Variants in ALK observed in about 807,000 individuals in gnomAD.
ALK encodes ALK tyrosine kinase receptor.
In ALK, 74 loss-of-function variants were observed where a neutral mutation model predicts 163.1. The observed-to-expected ratio is 0.45, with a 90% CI of 0.38 to 0.55. The LOEUF is 0.55. Among genes scored for constraint, ALK ranks in the 20% least tolerant of loss-of-function variants. The probability of loss-of-function intolerance (pLI) is 0.00; values close to 1 mark genes in which losing one functional copy is unlikely to be tolerated. For missense variants in ALK, 2,063 were observed against 2,105.3 expected (o/e 0.98, Z 0.39); for synonymous variants, 960 against 843.2 (o/e 1.14, Z -2.40).
chr2:29,353,490 T>C (rs1166833481), intron 5 of ALK, among the ~76,000 whole-genome samples: 1 of 152,182 alleles, frequency 6.6e-6, no homozygotes, highest in Non-Finnish European at 1.5e-5. Flanking sequence ...CACAGAGCTT[T>C]TATTGCTTTG....
At chr2:29,647,805 C>T (rs10171307) in intron 3 of ALK, among the ~76,000 whole-genome samples, 2,185 of 138,372 alleles carry the variant, frequency 0.016, 32 homozygotes, top group South Asian at 0.05. Flanking sequence ...GCCACAGTCA[C>T]ATGCCTCTCT....
intron 5 of ALK, among the ~76,000 whole-genome samples, chr2:29,345,445 A>C (rs1208291635): frequency 6.7e-6 from 1 of 150,322 alleles, no homozygotes; most frequent in Non-Finnish European, 1.5e-5. Context: ...TAAATAAATA[A>C]ATAAATAAAT....
At chr2:29,634,470 T>C (rs866378589) in intron 3 of ALK, among the ~76,000 whole-genome samples, 9 of 152,214 alleles carry the variant, frequency 5.9e-5, no homozygotes, top group Admixed American at 2.0e-4. Flanking sequence ...GCTGGTTCAA[T>C]ATTAAAAAAA....
intron 1 of ALK, among the ~76,000 whole-genome samples, chr2:29,868,259 G>T (rs1266918934): frequency 6.6e-6 from 1 of 152,302 alleles, no homozygotes; most frequent in African/African-American, 2.4e-5. Flanking sequence ...AGGGGCTCCT[G>T]CCCTTCATTC....
At chr2:29,716,996 C>CAAA (rs34422584) in intron 2 of ALK, among the ~76,000 whole-genome samples, 4 of 6,004 alleles carry the variant, frequency 6.7e-4, no homozygotes, top group Non-Finnish European at 2.3e-3. Context: ...ACCAAAAATC[C>CAAA]AAAAAAAAAA....
chr2:29,883,754 C>A (rs1482380493), intron 1 of ALK, among the ~76,000 whole-genome samples: 1 of 151,998 alleles, frequency 6.6e-6, no homozygotes, highest in Non-Finnish European at 1.5e-5. Context: ...TTGGACCGCA[C>A]GGGTCCACTT....
In ALK at chr2:29,193,613, C is replaced by T. The variant is rs567438064; in HGVS notation, c.4474G>A (p.Val1492Ile). The change falls in exon 29 of 29, where the codon GTC becomes ATC. Residue 1492 changes from valine (V) to isoleucine (I), a missense_variant. Val to Ile is a conservative substitution (Grantham distance 29, BLOSUM62 3). Coordinates refer to ENST00000389048, the MANE Select transcript of ALK (RefSeq NM_004304.5). Reference protein sequence around the residue: ...QSNPPSELHKVHGSRNKPTSL... With the variant: ...QSNPPSELHKIHGSRNKPTSL... ...GTGGGCTTGTTTCTGGATCCGTGGA[C>T]CTTGTGCAACTCCGAAGGAGGGTTG... The T allele has an allele frequency of 3.1e-6, 5 of 1,614,228 alleles. No homozygotes were observed. In the Admixed American group the frequency reaches 6.7e-5, roughly 22 times the overall value.
At chr2:29,278,803 C>T (rs1665610586) in intron 9 of ALK, among the ~76,000 whole-genome samples, 1 of 152,198 alleles carries the variant, frequency 6.6e-6, no homozygotes, top group African/African-American at 2.4e-5. Context: ...CTCGCCTGCA[C>T]ATCAGGGGGT....
At chr2:29,817,133 C>T (rs1226765310) in intron 1 of ALK, among the ~76,000 whole-genome samples, 1 of 148,388 alleles carries the variant, frequency 6.7e-6, no homozygotes, top group Non-Finnish European at 1.5e-5. Context: ...AACACTGCCA[C>T]TTATTGCTCC....
At chr2:29,308,605 C>G (rs4490135) in intron 8 of ALK, among the ~76,000 whole-genome samples, 1 of 152,060 alleles carries the variant, frequency 6.6e-6, no homozygotes, top group African/African-American at 2.4e-5. Context: ...GTGAACGGAA[C>G]GCAAGCTTTC....
chr2:29,854,930 C>G (rs1666100399), intron 1 of ALK, among the ~76,000 whole-genome samples: 1 of 151,814 alleles, frequency 6.6e-6, no homozygotes, highest in South Asian at 2.1e-4. Context: ...GGTAAGAGCA[C>G]TTAACATGAG....
intron 8 of ALK, among the ~76,000 whole-genome samples, chr2:29,314,604 C>T (rs1558665814): frequency 6.6e-6 from 1 of 152,042 alleles, no homozygotes; most frequent in Non-Finnish European, 1.5e-5. Context: ...TGGGGGGATC[C>T]CATCTCATTT....
At chr2:29,617,969 C>A (rs1383020238) in intron 3 of ALK, among the ~76,000 whole-genome samples, 1 of 152,198 alleles carries the variant, frequency 6.6e-6, no homozygotes, top group Non-Finnish European at 1.5e-5. Context: ...GGCTGGGAGA[C>A]CTGCCCTTGC....
chr2:29,329,962 G>A (rs1171186646), intron 5 of ALK, among the ~76,000 whole-genome samples: 1 of 152,190 alleles, frequency 6.6e-6, no homozygotes. Flanking sequence ...TTCTCTGACT[G>A]TAAAGGTGCC....
chr2:29,900,995 G>GAGCAAGCAAGCA (rs58490938), intron 1 of ALK, among the ~76,000 whole-genome samples: 139 of 148,714 alleles, frequency 9.3e-4, no homozygotes, highest in African/African-American at 3.1e-3. Flanking sequence ...GAGAGAGAGA[G>GAGCAAGCAAGCA]AGCAAGCAAG....
In ALK at chr2:29,756,265, C is replaced by G. The variant is rs373320019; in HGVS notation, c.668-38568G>C. Among the ~76,000 whole-genome samples the G allele has an allele frequency of 1.6e-4, 25 of 152,308 alleles. No individual in the cohort carries two copies. The East Asian group carries it at 2.9e-3, about 18-fold the overall frequency. ...CATTTCCCGGGAGGACCTTCCGGAC[C>G]TTTTAAATGCTCTCAAGACTCCCAG... On this transcript the variant is annotated intron_variant, in intron 1 of 28. Transcript: ENST00000389048.
chr2:29,667,614 C>A (rs1346504120), intron 3 of ALK, among the ~76,000 whole-genome samples: 1 of 151,944 alleles, frequency 6.6e-6, no homozygotes, highest in African/African-American at 2.4e-5. Context: ...TATGTTGAAC[C>A]ATCCTTGCAT....
At chr2:29,846,105 G>T (rs1037580501) in intron 1 of ALK, among the ~76,000 whole-genome samples, 3 of 152,284 alleles carry the variant, frequency 2.0e-5, no homozygotes, top group East Asian at 3.9e-4. Flanking sequence ...TGATCAGCAG[G>T]CTCTCATAAT....
At chr2:29,768,874 C>T (rs999129039) in intron 1 of ALK, among the ~76,000 whole-genome samples, 6 of 151,810 alleles carry the variant, frequency 4.0e-5, no homozygotes, top group African/African-American at 1.5e-4. Flanking sequence ...CACTCTGTCA[C>T]CCAGGCTGGA....
Sources: allele counts gnomAD v4.1 joint callset (sites outside exome capture counted in the v4.1 genomes callset), GRCh38; gene constraint gnomAD v4.1.1; transcripts MANE v1.5; gene names NCBI Gene and HGNC (gene_info 2026-07-23, HGNC 2026-07-21).